Variants in PCDHGB4 observed in about 807,000 individuals in gnomAD.
PCDHGB4 encodes protocadherin gamma subfamily B, 4, also known as protocadherin gamma-B4.
PCDHGB4 carries 38 observed loss-of-function variants against 60.5 expected under a neutral mutation model. The ratio of observed to expected loss-of-function variants is 0.63; its 90% CI spans 0.48 to 0.82. The LOEUF is 0.82. Ranked by LOEUF, PCDHGB4 falls within the 40% of genes least tolerant of loss-of-function variation. The pLI, the probability that PCDHGB4 is intolerant of heterozygous loss-of-function variation, is 0.00. For synonymous variants in PCDHGB4, 456 were observed against 509.7 expected (o/e 0.89, Z 1.42); for missense variants, 1,109 against 1,209.6 (o/e 0.92, Z 1.23).
At chr5:141,413,950 T>C (rs1448967281) in intron 1 of PCDHGB4, 1 of 1,613,264 alleles carries the variant, frequency 6.2e-7, no homozygotes. Context: ...TCCTGAGAAT[T>C]TGCCTGTGGG....
rs2091674195 is a variant in PCDHGB4, at chr5:141,389,267, GA to G, written c.1385del (p.Asn462ThrfsTer44). ...QSSYIVHVAE[N>X]NPPGASISQV... is the part of the protein sequence containing the mutation. ...CTTCCTATATAGTCCACGTGGCCGA[GA>G]ACAACCCGCCTGGAGCCTCTATTTC... is the stretch of plus-strand genomic sequence containing the variant. On this transcript the variant is annotated frameshift_variant, in exon 1 of 4. Coordinates refer to ENST00000519479, the MANE Select transcript of PCDHGB4 (RefSeq NM_003736.4). LOFTEE classifies it high-confidence loss of function. 6.2e-7 allele frequency: 1 copy of G among 1,613,890 alleles called. No homozygotes were observed. The highest frequency in any genetic ancestry group is 1.3e-5 in the African/African-American group (1 of 74,946).
At chr5:141,411,097 A>C (rs2095464397) in intron 1 of PCDHGB4, 1 of 153,002 alleles carries the variant, frequency 6.5e-6, no homozygotes, top group Non-Finnish European at 1.4e-5. Flanking sequence ...TGATCCTCCC[A>C]CCTTGGCCTC....
intron 1 of PCDHGB4, among the ~76,000 whole-genome samples, chr5:141,435,383 G>A (rs1057246190): frequency 6.6e-6 from 1 of 152,016 alleles, no homozygotes; most frequent in South Asian, 2.1e-4. Flanking sequence ...ACAATATACC[G>A]TATTGCCATG....
Position 141,387,871 on chromosome 5 carries a change from G to A in PCDHGB4, c.-14G>A, listed in dbSNP as rs1275687057. ...GTCTCCAGGCTGGTGAGCAAGCTGAGGAGAGCAAGAGGGATGGGGAGCGGC... is the reference window on the plus strand; with the variant it reads ...GTCTCCAGGCTGGTGAGCAAGCTGAAGAGAGCAAGAGGGATGGGGAGCGGC... On this transcript the variant is annotated 5_prime_UTR_variant, in exon 1 of 4. Coordinates refer to ENST00000519479, the MANE Select transcript of PCDHGB4 (RefSeq NM_003736.4). 2.5e-6 allele frequency: 4 copies of A among 1,589,520 alleles called. No individual in the cohort carries two copies. The highest frequency in any genetic ancestry group is 1.8e-5 in the Admixed American group (1 of 55,856).
intron 1 of PCDHGB4, chr5:141,417,772 C>G: frequency 6.9e-7 from 1 of 1,456,320 alleles, no homozygotes; most frequent in East Asian, 2.5e-5. Context: ...GGGACTCCTC[C>G]TGTCCTGGGC....
intron 1 of PCDHGB4, chr5:141,413,055 C>G: frequency 9.8e-7 from 1 of 1,019,544 alleles, no homozygotes; most frequent in Non-Finnish European, 1.4e-6. Flanking sequence ...GGGAAGCTCA[C>G]TCCAGAATTT....
In PCDHGB4 at chr5:141,432,009, G is replaced by A. The variant is rs1227754190; in HGVS notation, c.2397+41728G>A. ...GTCTTGGATAGGGAACAGGTTCCTA[G>A]CTACAACATCACAGTGACCGCCACT... On this transcript the variant is annotated intron_variant, in intron 1 of 3. Coordinates refer to ENST00000519479, the MANE Select transcript of PCDHGB4 (RefSeq NM_003736.4). The surrounding 1 kb of genome is among the most constrained non-coding windows in gnomAD (Gnocchi z 6.0). The A allele has an allele frequency of 1.2e-6, 2 of 1,614,188 alleles. No homozygotes were observed. The highest frequency in any genetic ancestry group is 1.7e-6 in the Non-Finnish European group (2 of 1,180,024).
chr5:141,502,577 A>G (rs1260539435), intron 2 of PCDHGB4, among the ~76,000 whole-genome samples: 2 of 152,192 alleles, frequency 1.3e-5, no homozygotes, highest in African/African-American at 4.8e-5. Context: ...TTATAAAAAT[A>G]TATTTTTATA....
intron 3 of PCDHGB4, among the ~76,000 whole-genome samples, chr5:141,505,976 A>G (rs911235674): frequency 1.3e-5 from 2 of 152,136 alleles, no homozygotes; most frequent in Admixed American, 1.3e-4. Context: ...CCCAGCCGAG[A>G]GAACACCTCC....
Position 141,511,250 on chromosome 5 carries a change from CAG to C in PCDHGB4, c.*80_*81del. 2 of 1,571,674 alleles carry C rather than the reference CAG, an allele frequency of 1.3e-6. No homozygotes were observed. Among genetic ancestry groups the C allele is most frequent in the Non-Finnish European group, 1.7e-6 (2 of 1,158,794 alleles). On this transcript the variant is annotated 3_prime_UTR_variant, in exon 4 of 4. Transcript: ENST00000519479. ...CTTCTCCTTACCTGCACCCAGGCCT[CAG>C]AGTTTCAGGGCTAACCCCCAGAATA...
intron 1 of PCDHGB4, among the ~76,000 whole-genome samples, chr5:141,463,393 C>CA (rs955461719): frequency 5.7e-5 from 8 of 140,804 alleles, no homozygotes; most frequent in Non-Finnish European, 7.6e-5. Flanking sequence ...TGTCTCCAGG[C>CA]AAAAAAAATG....
chr5:141,430,383 GAAA>G (rs139772145), intron 1 of PCDHGB4, among the ~76,000 whole-genome samples: 9 of 138,566 alleles, frequency 6.5e-5, no homozygotes, highest in African/African-American at 2.4e-4. Context: ...AGCTCATTGG[GAAA>G]AAAAAAAAAA....
In PCDHGB4 at chr5:141,387,802, G is replaced by A. The variant is rs916959942; in HGVS notation, c.-83G>A. 2.0e-6 allele frequency: 3 copies of A among 1,511,984 alleles called. No homozygotes were observed. The Admixed American group carries it at 7.0e-5, about 35-fold the overall frequency. 93.7% of individuals were successfully genotyped at this position (1,511,984 alleles called of 1,614,324 possible). On this transcript the variant is annotated 5_prime_UTR_variant, in exon 1 of 4. Coordinates refer to ENST00000519479, the MANE Select transcript of PCDHGB4 (RefSeq NM_003736.4). ...CTGGAACTGCAACTAAAGTCCGTTC[G>A]GAGATCCAAAAATCTGCAATACAGA...
rs920444759 is a variant in PCDHGB4, at chr5:141,432,767, C to G, written c.2397+42486C>G. On this transcript the variant is annotated intron_variant, in intron 1 of 3. Transcript: ENST00000519479. The surrounding 1 kb of genome is among the most constrained non-coding windows in gnomAD (Gnocchi z 6.0). ...CGTGGCCGTGGCCGACAGCATCCCC[C>G]AAGTCCTGGCGGACCTCGGCAGCCT... 2 of 1,614,058 alleles carry G rather than the reference C, an allele frequency of 1.2e-6. No individual in the cohort carries two copies. Among genetic ancestry groups the G allele is most frequent in the Admixed American group, 1.7e-5 (1 of 60,012 alleles).
chr5:141,427,930 T>C, intron 1 of PCDHGB4: 2 of 1,583,398 alleles, frequency 1.3e-6, no homozygotes. Flanking sequence ...CGGCGCATGT[T>C]GGTGGGCGAC....
intron 1 of PCDHGB4, chr5:141,423,081 C>A: frequency 6.2e-7 from 1 of 1,614,084 alleles, no homozygotes; most frequent in South Asian, 1.1e-5. Context: ...CGGGACTCTT[C>A]GCGGTGGGGG....
rs57426385 is a variant in PCDHGB4 at position 141,415,740 on chromosome 5, G to GTTTTTTTTTTTTTT, written c.2397+25478_2397+25491dup. 1.9e-4 allele frequency: 117 copies of GTTTTTTTTTTTTTT among 625,018 alleles called. 7 individuals are homozygous for GTTTTTTTTTTTTTT. Among genetic ancestry groups the GTTTTTTTTTTTTTT allele is most frequent in the African/African-American group, 5.0e-4 (20 of 39,930 alleles). 38.7% of individuals were successfully genotyped at this position (625,018 alleles called of 1,614,324 possible). A position where few individuals can be genotyped will look rare whatever the true frequency, so the allele number is the denominator to read the frequency against. On this transcript the variant is annotated intron_variant, in intron 1 of 3. Coordinates refer to ENST00000519479, the MANE Select transcript of PCDHGB4 (RefSeq NM_003736.4). ...TGAGTAGAATTTGATGTTTATTAAGGTTTTTTTTTTTTTTTTTTTTTTTTT... is the reference window on the plus strand; with the variant it reads ...TGAGTAGAATTTGATGTTTATTAAGGTTTTTTTTTTTTTTTTTTTTTTTTTTTTTTTTTTTTTTT...
At position 141,490,742 on chromosome 5, in the gene PCDHGB4, C is replaced by A. The variant is rs1281337347; in HGVS notation, c.2398-4065C>A. 1.2e-6 allele frequency: 2 copies of A among 1,614,062 alleles called. No homozygotes were observed. Among genetic ancestry groups the A allele is most frequent in the Non-Finnish European group, 1.7e-6 (2 of 1,180,022 alleles). On this transcript the variant is annotated intron_variant, in intron 1 of 3. Coordinates refer to ENST00000519479, the MANE Select transcript of PCDHGB4 (RefSeq NM_003736.4). This position sits in a 1 kb window ranked among gnomAD's most constrained non-coding sequence, Gnocchi z 5.4. ...ATTGTAGGAAATCAGGTTCAGGGAGCCCCAGCCTCCTCCTTTGTGTATGTC... is the reference window on the plus strand; with the variant it reads ...ATTGTAGGAAATCAGGTTCAGGGAGACCCAGCCTCCTCCTTTGTGTATGTC...
intron 1 of PCDHGB4, chr5:141,398,610 T>C: frequency 6.2e-7 from 1 of 1,614,020 alleles, no homozygotes. Context: ...AAGATGCAGA[T>C]ATTGGCTTAA....
Sources: allele counts gnomAD v4.1 joint callset (sites outside exome capture counted in the v4.1 genomes callset), GRCh38; gene constraint gnomAD v4.1.1; non-coding constraint Gnocchi (gnomAD v3.1); transcripts MANE v1.5; gene names NCBI Gene and HGNC (gene_info 2026-07-23, HGNC 2026-07-21).